Variants in ANGEL1 observed in about 807,000 individuals in gnomAD.
ANGEL1 encodes the protein angel homolog 1, also known as RNA 2',3'-cyclic phosphatase ANGEL1.
Under a neutral mutation model 76.4 loss-of-function variants are expected in ANGEL1, and 62 were observed. That is an observed-to-expected ratio of 0.81 (90% CI 0.66 to 1.00). The LOEUF is 1.00. Ranked by LOEUF, ANGEL1 falls within the 50% of genes least tolerant of loss-of-function variation. The pLI is 0.00. For missense variants in ANGEL1, 737 were observed against 836.7 expected, an observed-to-expected ratio of 0.88 and a Z score of 1.47; for synonymous variants, 340 against 331.7, an observed-to-expected ratio of 1.03 and a Z score of -0.27.
chr14:76,809,555 G>A lies in ANGEL1; in HGVS notation c.153C>T (p.Gly51=). 1 of 1,614,202 alleles carries A rather than the reference G, an allele frequency of 6.2e-7. No individual in the cohort carries two copies. Among genetic ancestry groups the A allele is most frequent in the Non-Finnish European group, 8.5e-7 (1 of 1,180,046 alleles). ...VEGDFAMAPR[G]PEQEECEGLL... ...GGCCCTCACATTCCTCCTGCTCAGG[G>A]CCCCGAGGGGCCATGGCAAAGTCGC... is the stretch of plus-strand genomic sequence containing the variant. The change falls in exon 2 of 10, where the codon GGC becomes GGT. Residue 51 remains glycine, a synonymous_variant. Transcript: ENST00000251089.
chr14:76,810,089 C>T (rs1895038770), intron 1 of ANGEL1: 3 of 418,688 alleles, frequency 7.2e-6, no homozygotes, highest in African/African-American at 6.2e-5. Context: ...TAAAACTGAC[C>T]TTGAACAATG....
In ANGEL1 at chr14:76,799,332, C is replaced by T. The variant is rs755279615; in HGVS notation, c.1618+4039G>A. Among the ~76,000 whole-genome samples, 32 of 121,452 alleles carry T rather than the reference C, an allele frequency of 2.6e-4. 1 individual carries two copies. Among genetic ancestry groups the T allele is most frequent in the Admixed American group, 7.7e-4 (7 of 9,130 alleles). The allele number at this position is 121,452 out of a possible 152,430, so 79.7% of individuals were successfully genotyped here. A position where few individuals can be genotyped will look rare whatever the true frequency, so the allele number is the denominator to read the frequency against. ...TTTTTGAGACACAGTCTTGCTCTGTCGCCCAGGCTGGAGTACAGCGGTGTA... is the reference window on the plus strand; with the variant it reads ...TTTTTGAGACACAGTCTTGCTCTGTTGCCCAGGCTGGAGTACAGCGGTGTA... On this transcript the variant is annotated intron_variant, in intron 7 of 9. Coordinates refer to ENST00000251089, the MANE Select transcript of ANGEL1 (RefSeq NM_015305.4).
chr14:76,793,400 G>GAGGGGAGAGGAGGGGAGGGT (rs1894470752), intron 7 of ANGEL1, among the ~76,000 whole-genome samples: 1 of 49,594 alleles, frequency 2.0e-5, no homozygotes, highest in Non-Finnish European at 4.6e-5. Context: ...GAGGAGGGGA[G>GAGGGGAGAGGAGGGGAGGGT]AGGGGATAAA....
rs988814196 is a variant in ANGEL1, at chr14:76,806,396, C to A, written c.1380+20G>T. ...TCTTAGACCATGTTCCCACCCACAC[C>A]GTGGCCTCTCCCATTTCACCTTCCA... On this transcript the variant is annotated intron_variant, in intron 5 of 9. Transcript: ENST00000251089. The A allele has an allele frequency of 3.1e-6, 5 of 1,600,402 alleles. No homozygotes were observed. The African/African-American group carries it at 6.7e-5, about 21-fold the overall frequency.
chr14:76,807,302 A>G (rs1595307651), intron 4 of ANGEL1, 131 bp downstream of exon 4: 2 of 834,758 alleles, frequency 2.4e-6, no homozygotes, highest in Non-Finnish European at 1.9e-6. Flanking sequence ...TCTCAGGCAC[A>G]CATGGAAGGA....
At chr14:76,812,524 C>T in intron 1 of ANGEL1, 3 of 1,244,198 alleles carry the variant, frequency 2.4e-6, no homozygotes, top group Non-Finnish European at 3.0e-6. Context: ...CGCGGCCGGA[C>T]GCCATCTGAC....
Position 76,806,537 on chromosome 14 carries a change from A to T in ANGEL1, c.1259T>A (p.Leu420Gln). ...GATGGGGCAGTGGCTGCCATCTGAC[A>T]GTCTGGCCACCTTGTCCACTTCCGC... ...LLAEVDKVAR[L>Q]SDGSHCPIIL... Residue 420 changes from leucine (L) to glutamine (Q), a missense_variant, in exon 5 of 10, where the codon CTG becomes CAG. Leu to Gln is a moderately radical substitution (Grantham distance 113, BLOSUM62 -2). Around this residue, in one of 2 missense-constraint regions of ANGEL1, gnomAD observed 296 missense variants for 387.2 expected, o/e 0.76. Coordinates refer to ENST00000251089, the MANE Select transcript of ANGEL1 (RefSeq NM_015305.4). 1 of 1,614,202 alleles carries T rather than the reference A, an allele frequency of 6.2e-7. No homozygotes were observed. Among genetic ancestry groups the T allele is most frequent in the Non-Finnish European group, 8.5e-7 (1 of 1,180,034 alleles).
In ANGEL1 at chr14:76,789,188, G is replaced by C. The variant is rs755643179; in HGVS notation, c.*40C>G. 9.4e-5 allele frequency: 152 copies of C among 1,609,278 alleles called. 4 individuals carry two copies. The South Asian group carries it at 1.6e-3, about 17-fold the overall frequency. ...TTTTCCACAGTCTCTGATCCAGTGAGCTCTTCTGGAAGAGAAGCTCTCTTC... is the reference window on the plus strand; with the variant it reads ...TTTTCCACAGTCTCTGATCCAGTGACCTCTTCTGGAAGAGAAGCTCTCTTC... On this transcript the variant is annotated 3_prime_UTR_variant, in exon 10 of 10. Coordinates refer to ENST00000251089, the MANE Select transcript of ANGEL1 (RefSeq NM_015305.4).
Position 76,809,152 on chromosome 14 carries a change from C to T in ANGEL1, c.556G>A (p.Ala186Thr). Residue 186 changes from alanine to threonine, a missense_variant, in exon 2 of 10, where the codon GCA becomes ACA. By Grantham distance (58) the Ala-to-Thr change is moderately conservative. Coordinates refer to ENST00000251089, the MANE Select transcript of ANGEL1 (RefSeq NM_015305.4). ...TCTTCCTGGGGCACAGGCTCAGGTG[C>T]TATGCTCCAGGCCAACACCGCTGGG... is the stretch of plus-strand genomic sequence containing the variant. ...EDPAVLAWSI[A>T]PEPVPQEEAS... is the part of the protein sequence containing the mutation. 1 of 1,614,180 alleles carries T rather than the reference C, an allele frequency of 6.2e-7. No individual in the cohort carries two copies. Among genetic ancestry groups the T allele is most frequent in the Non-Finnish European group, 8.5e-7 (1 of 1,180,014 alleles).
In ANGEL1 at chr14:76,809,212, C is replaced by G; in HGVS notation, c.496G>C (p.Val166Leu). The G allele has an allele frequency of 6.2e-7, 1 of 1,613,366 alleles. No homozygotes were observed. Among genetic ancestry groups the G allele is most frequent in the Non-Finnish European group, 8.5e-7 (1 of 1,179,644 alleles). The stretch of plus-strand genomic sequence containing the variant: ...CACTGCTCTGTGGCCAGGGCACCCA[C>G]TGGGAGGGCAGCACAGTCTGCATAC... ...PQYADCAALP[V>L]GALATEQWEE... Residue 166 changes from valine to leucine, a missense_variant, in exon 2 of 10, where the codon GTG becomes CTG. Val to Leu is a conservative substitution (Grantham distance 32). Transcript: ENST00000251089.
chr14:76,797,512 A>C (rs545025776), intron 7 of ANGEL1, among the ~76,000 whole-genome samples: 5 of 152,324 alleles, frequency 3.3e-5, no homozygotes, highest in African/African-American at 2.4e-5. Context: ...AGGCAGGAGA[A>C]TCACTTGAAC....
chr14:76,795,472 G>T (rs1228758500), intron 7 of ANGEL1, among the ~76,000 whole-genome samples: 1 of 152,220 alleles, frequency 6.6e-6, no homozygotes, highest in East Asian at 1.9e-4. Flanking sequence ...CTCTCTTTCT[G>T]TGTGTTTACT....
intron 7 of ANGEL1, among the ~76,000 whole-genome samples, chr14:76,797,798 A>T (rs934510919): frequency 1.3e-5 from 2 of 152,236 alleles, no homozygotes; most frequent in African/African-American, 4.8e-5. Flanking sequence ...GTTTGCTCTT[A>T]CTTGTTAAAA....
intron 7 of ANGEL1, among the ~76,000 whole-genome samples, chr14:76,792,389 A>G (rs1470363600): frequency 1.3e-5 from 2 of 152,208 alleles, no homozygotes; most frequent in Admixed American, 1.3e-4. Context: ...ACACTTCTCA[A>G]CTCATTCTAT....
chr14:76,804,083 A>C, intron 5 of ANGEL1, 171 bp from the exon 6 acceptor site: 1 of 1,477,330 alleles, frequency 6.8e-7, no homozygotes. Flanking sequence ...GACCAAATTA[A>C]AACCATTACT....
intron 7 of ANGEL1, among the ~76,000 whole-genome samples, chr14:76,796,375 G>C (rs1336457910): frequency 6.6e-6 from 1 of 151,226 alleles, no homozygotes; most frequent in Non-Finnish European, 1.5e-5. Flanking sequence ...TAGCCTCTCG[G>C]TAGCTGGGAG....
chr14:76,812,666 C>T lies in ANGEL1; in HGVS notation c.64+98G>A. 4 of 1,391,830 alleles carry T rather than the reference C, an allele frequency of 2.9e-6. No homozygotes were observed. The East Asian group carries it at 1.2e-4, about 41-fold the overall frequency. The allele number at this position is 1,391,830 out of a possible 1,614,324, so 86.2% of individuals were successfully genotyped here. A position where few individuals can be genotyped will look rare whatever the true frequency, so the allele number is the denominator to read the frequency against. ...TCGGCACTGCCCGGGGCACGGTAGT[C>T]GTGAGGCCCGGCCAACCGCACGCCG... On this transcript the variant is annotated intron_variant, in intron 1 of 9. Coordinates refer to ENST00000251089, the MANE Select transcript of ANGEL1 (RefSeq NM_015305.4).
intron 5 of ANGEL1, chr14:76,804,450 CG>C: frequency 1.0e-6 from 1 of 992,924 alleles, no homozygotes; most frequent in Non-Finnish European, 1.2e-6. Context: ...GGGAAACATT[CG>C]GCAACATCAG....
At chr14:76,806,172 C>T (rs749438444) in intron 5 of ANGEL1, among the ~76,000 whole-genome samples, 9 of 152,156 alleles carry the variant, frequency 5.9e-5, no homozygotes, top group Non-Finnish European at 1.2e-4. Flanking sequence ...CAAGTATGTA[C>T]TTACGTATTA....
Sources: allele counts gnomAD v4.1 joint callset (sites outside exome capture counted in the v4.1 genomes callset), GRCh38; gene constraint gnomAD v4.1.1; regional missense constraint gnomAD v4.1.1; transcripts MANE v1.5; gene names NCBI Gene and HGNC (gene_info 2026-07-23, HGNC 2026-07-21).